PPP2R3A: variants seen among roughly 807,000 people sequenced by gnomAD.
The protein encoded by PPP2R3A is serine/threonine-protein phosphatase 2A regulatory subunit B'' subunit alpha.
A neutral mutation model predicts 106.9 loss-of-function variants in PPP2R3A; 80 were observed. That is an observed-to-expected ratio of 0.75 (90% CI 0.62 to 0.90). PPP2R3A has a LOEUF of 0.90. PPP2R3A is among the 40% of genes least tolerant of loss of function. PPP2R3A has a pLI of 0.00. For missense variants in PPP2R3A, 1,386 were observed against 1,350.4 expected (o/e 1.03, Z -0.41); for synonymous variants, 483 against 468.3 (o/e 1.03, Z -0.41).
At chr3:136,046,758 T>G (rs189277356) in intron 4 of PPP2R3A, among the ~76,000 whole-genome samples, 23 of 152,286 alleles carry the variant, frequency 1.5e-4, no homozygotes, top group South Asian at 1.0e-3. Context: ...GTTAATCAAA[T>G]TAAAGCAGCT....
At chr3:136,095,342 G>C (rs1937191854) in intron 10 of PPP2R3A, among the ~76,000 whole-genome samples, 1 of 152,086 alleles carries the variant, frequency 6.6e-6, no homozygotes, top group African/African-American at 2.4e-5. Context: ...TTTCTACCTT[G>C]CATGTTGCCT....
chr3:135,972,061 C>A (rs1937262138), intron 1 of PPP2R3A, among the ~76,000 whole-genome samples: 1 of 152,142 alleles, frequency 6.6e-6, no homozygotes. Context: ...GCAGCCATCA[C>A]CGCTAATTCT....
At chr3:136,106,066 AG>A in intron 12 of PPP2R3A, 149 bp from the exon 13 acceptor site, 1 of 638,510 alleles carries the variant, frequency 1.6e-6, no homozygotes, top group Non-Finnish European at 2.6e-6. Context: ...TTACCTTAGG[AG>A]TTTTACCTTA....
chr3:136,054,068 T>C (rs1190593105), intron 5 of PPP2R3A, among the ~76,000 whole-genome samples: 1 of 152,144 alleles, frequency 6.6e-6, no homozygotes, highest in East Asian at 1.9e-4. Flanking sequence ...ACGTGGTGTT[T>C]TATTTTCTGG....
intron 2 of PPP2R3A, among the ~76,000 whole-genome samples, chr3:136,013,894 T>C (rs1332557894): frequency 6.6e-6 from 1 of 152,226 alleles, no homozygotes; most frequent in Non-Finnish European, 1.5e-5. Context: ...TTTTGGGTCC[T>C]TGGTCATGAA....
intron 1 of PPP2R3A, among the ~76,000 whole-genome samples, chr3:135,999,130 G>C (rs991975087): frequency 9.9e-5 from 15 of 152,192 alleles, no homozygotes; most frequent in African/African-American, 3.6e-4. Context: ...GTCAGGCACA[G>C]AGTAGGAAAT....
intron 13 of PPP2R3A, among the ~76,000 whole-genome samples, chr3:136,133,261 G>T (rs938300051): frequency 5.3e-5 from 8 of 151,932 alleles, no homozygotes; most frequent in Non-Finnish European, 1.0e-4. Context: ...TTCTGATAAA[G>T]AACTCATATC....
At chr3:136,103,425 T>C in intron 12 of PPP2R3A, 49 bp downstream of exon 12, 1 of 1,298,468 alleles carries the variant, frequency 7.7e-7, no homozygotes, top group East Asian at 2.3e-5. Flanking sequence ...TGTCAGGGGC[T>C]GTGTGTGCTA....
chr3:136,137,257 A>G (rs1938654888), intron 13 of PPP2R3A, among the ~76,000 whole-genome samples: 1 of 152,184 alleles, frequency 6.6e-6, no homozygotes, highest in Non-Finnish European at 1.5e-5. Flanking sequence ...CAATTTGACT[A>G]ATACTTGAAA....
At chr3:135,976,108 C>T (rs1405133273) in intron 1 of PPP2R3A, among the ~76,000 whole-genome samples, 1 of 152,146 alleles carries the variant, frequency 6.6e-6, no homozygotes. Flanking sequence ...GTGATCCATT[C>T]TTCTTTCATC....
intron 1 of PPP2R3A, among the ~76,000 whole-genome samples, chr3:135,977,068 C>T (rs1937438297): frequency 6.6e-6 from 1 of 151,892 alleles, no homozygotes; most frequent in South Asian, 2.1e-4. Context: ...CAAGGTCCTC[C>T]TCCATTCTAT....
chr3:135,968,744 G>C (rs1937161548), intron 1 of PPP2R3A, among the ~76,000 whole-genome samples: 1 of 152,104 alleles, frequency 6.6e-6, no homozygotes, highest in African/African-American at 2.4e-5. Context: ...TACTAGTTTT[G>C]TATATCATTG....
intron 5 of PPP2R3A, among the ~76,000 whole-genome samples, chr3:136,050,931 G>A (rs1935663931): frequency 6.6e-6 from 1 of 152,110 alleles, no homozygotes; most frequent in Non-Finnish European, 1.5e-5. Flanking sequence ...TAAATGCAGG[G>A]TCCACAGTCA....
chr3:135,992,113 C>G (rs1043582298), intron 1 of PPP2R3A, among the ~76,000 whole-genome samples: 3 of 151,520 alleles, frequency 2.0e-5, no homozygotes, highest in African/African-American at 7.3e-5. Flanking sequence ...TAAAATATTC[C>G]AGGTCTCCTT....
intron 5 of PPP2R3A, among the ~76,000 whole-genome samples, chr3:136,057,375 T>C (rs1052629604): frequency 2.6e-4 from 40 of 152,240 alleles, no homozygotes; most frequent in African/African-American, 6.5e-4. Context: ...TGGATAGAAC[T>C]GGAGGCCATT....
At chr3:136,144,132 G>C (rs1939001532) in intron 13 of PPP2R3A, among the ~76,000 whole-genome samples, 1 of 152,162 alleles carries the variant, frequency 6.6e-6, no homozygotes, top group Non-Finnish European at 1.5e-5. Flanking sequence ...GCCAACCTTA[G>C]GGGTAGCCTG....
intron 3 of PPP2R3A, among the ~76,000 whole-genome samples, chr3:136,033,414 G>A (rs1934975239): frequency 6.6e-6 from 1 of 152,200 alleles, no homozygotes; most frequent in South Asian, 2.1e-4. Flanking sequence ...ATGAATTAGG[G>A]AGGGTTCCCT....
chr3:136,070,700 T>C lies in PPP2R3A; in HGVS notation c.2544+148T>C, dbSNP rs1016215565. On this transcript the variant is annotated intron_variant, in intron 6 of 13. Transcript: ENST00000264977. ...GGAAGGAAGCTAAAATAAAATTGAA[T>C]TCATAATTTCTTCATTTTTATCTAT... 8 of 610,790 alleles carry C rather than the reference T, an allele frequency of 1.3e-5. No individual in the cohort carries two copies. The African/African-American group carries it at 1.5e-4, about 12-fold the overall frequency. The allele number at this position is 610,790 out of a possible 1,614,324, so 37.8% of individuals were successfully genotyped here.
At chr3:136,024,893 T>C (rs946584634) in intron 2 of PPP2R3A, among the ~76,000 whole-genome samples, 2 of 152,208 alleles carry the variant, frequency 1.3e-5, no homozygotes, top group African/African-American at 2.4e-5. Flanking sequence ...TAATAATTTA[T>C]TGACTTACGG....
Sources: allele counts gnomAD v4.1 joint callset (sites outside exome capture counted in the v4.1 genomes callset), GRCh38; gene constraint gnomAD v4.1.1; transcripts MANE v1.5; gene names NCBI Gene and HGNC (gene_info 2026-07-23, HGNC 2026-07-21).